The following ITSN2 variants were observed in gnomAD, a reference collection of about 807,000 sequenced individuals.
The protein encoded by ITSN2 is intersectin 2.
Under a neutral mutation model 243.7 loss-of-function variants are expected in ITSN2, and 156 were observed. The observed-to-expected ratio is 0.64, with a 90% CI of 0.56 to 0.73. ITSN2 has a LOEUF of 0.73. ITSN2 is among the 30% of genes least tolerant of loss of function. The probability of loss-of-function intolerance (pLI) is 0.00; values close to 1 mark genes in which losing one functional copy is unlikely to be tolerated. For synonymous variants in ITSN2, 703 were observed against 699.9 expected (o/e 1.00, Z -0.07); for missense variants, 1,801 against 1,996.1 (o/e 0.90, Z 1.86).
chr2:24,239,616 A>G (rs1672515505), intron 29 of ITSN2: 1 of 152,104 alleles, frequency 6.6e-6, no homozygotes, highest in Non-Finnish European at 1.5e-5. Context: ...CTCCTACAGA[A>G]ATTCAAATTT....
intron 29 of ITSN2, among the ~76,000 whole-genome samples, chr2:24,237,016 C>T (rs1672239821): frequency 6.6e-6 from 1 of 151,844 alleles, no homozygotes. Context: ...GTATGAGTAA[C>T]AGTTGTAGTG....
intron 1 of ITSN2, among the ~76,000 whole-genome samples, chr2:24,331,947 T>C (rs898511404): frequency 6.6e-6 from 1 of 151,898 alleles, no homozygotes; most frequent in Non-Finnish European, 1.5e-5. Context: ...AAGAAGGGAG[T>C]TTGAAAGTTG....
intron 8 of ITSN2, among the ~76,000 whole-genome samples, chr2:24,304,855 C>G (rs1682281522): frequency 6.6e-6 from 1 of 152,068 alleles, no homozygotes; most frequent in Non-Finnish European, 1.5e-5. Flanking sequence ...TACAAAGGGC[C>G]ATAGAGAGCC....
Position 24,284,744 on chromosome 2 carries a change from C to T in ITSN2, c.1944+19G>A. ...AGCAAAGTAACTCAAAGAAAAGAAG[C>T]TAGATATTAGAAAATAACCTTAAGT... is the stretch of plus-strand genomic sequence containing the variant. On this transcript the variant is annotated intron_variant, in intron 17 of 39. Coordinates refer to ENST00000355123, the MANE Select transcript of ITSN2 (RefSeq NM_006277.3). The T allele has an allele frequency of 7.0e-7, 1 of 1,430,760 alleles. No homozygotes were observed. The highest frequency in any genetic ancestry group is 9.8e-7 in the Non-Finnish European group (1 of 1,018,562). 88.6% of individuals were successfully genotyped at this position (1,430,760 alleles called of 1,614,324 possible). A position where few individuals can be genotyped will look rare whatever the true frequency, so the allele number is the denominator to read the frequency against.
intron 17 of ITSN2, among the ~76,000 whole-genome samples, chr2:24,277,765 A>G (rs1164579853): frequency 1.3e-5 from 2 of 152,218 alleles, no homozygotes; most frequent in South Asian, 2.1e-4. Flanking sequence ...CCTGGGCCAC[A>G]TGGAAAGAGG....
chr2:24,281,377 AT>A (rs1678756406), intron 17 of ITSN2, among the ~76,000 whole-genome samples: 1 of 152,088 alleles, frequency 6.6e-6, no homozygotes, highest in African/African-American at 2.4e-5. Context: ...GACTCCCATC[AT>A]TCTCTTTCTT....
intron 1 of ITSN2, among the ~76,000 whole-genome samples, chr2:24,343,007 C>A (rs1001581960): frequency 6.6e-6 from 1 of 150,676 alleles, no homozygotes; most frequent in African/African-American, 2.4e-5. Flanking sequence ...GGGAGGACTG[C>A]TTGAGTCTGT....
At chr2:24,266,099 C>T (rs1676629302) in intron 20 of ITSN2, among the ~76,000 whole-genome samples, 3 of 152,168 alleles carry the variant, frequency 2.0e-5, no homozygotes, top group Non-Finnish European at 4.4e-5. Context: ...AGGCATAATC[C>T]TTCAAGGCCT....
Position 24,270,754 on chromosome 2 carries a change from C to T in ITSN2, c.2272G>A (p.Val758Ile). Residue 758 changes from valine to isoleucine, a missense_variant, in exon 20 of 40, where the codon GTT (valine) becomes ATT (isoleucine). Physicochemically the swap from Val to Ile is conservative, Grantham distance 29. Coordinates refer to ENST00000355123, the MANE Select transcript of ITSN2 (RefSeq NM_006277.3). ...TATAATGCTCTATAATTCACCAAAA[C>T]ACTAGCTGTCTCACCTAAAGAGAAG... Reference protein sequence around the residue: ...AEEKKRETASVLVNYRALYPF... With the variant: ...AEEKKRETASILVNYRALYPF... 6.3e-7 allele frequency: 1 copy of T among 1,577,302 alleles called. No homozygotes were observed. The highest frequency in any genetic ancestry group is 8.7e-7 in the Non-Finnish European group (1 of 1,149,748).
chr2:24,261,342 G>T, intron 21 of ITSN2, 92 bp from the exon 22 acceptor site: 1 of 975,494 alleles, frequency 1.0e-6, no homozygotes, highest in Non-Finnish European at 1.5e-6. Flanking sequence ...TATATACACT[G>T]TGCTTACACA....
At chr2:24,337,319 T>TATATATATAC (rs1553395909) in intron 1 of ITSN2, among the ~76,000 whole-genome samples, 4 of 66,952 alleles carry the variant, frequency 6.0e-5, no homozygotes, top group African/African-American at 2.2e-4. Context: ...ACACAAAATA[T>TATATATATAC]ATATATATAT....
At chr2:24,206,347 G>T (rs1393989784) in intron 37 of ITSN2, 1 of 371,632 alleles carries the variant, frequency 2.7e-6, no homozygotes, top group Non-Finnish European at 5.4e-6. Flanking sequence ...AGGCAGGAGG[G>T]CAGGCTGCAT....
At chr2:24,339,955 G>C (rs1686862595) in intron 1 of ITSN2, among the ~76,000 whole-genome samples, 1 of 152,118 alleles carries the variant, frequency 6.6e-6, no homozygotes, top group South Asian at 2.1e-4. Context: ...AGGATCATTT[G>C]AGCCCGGGAG....
intron 1 of ITSN2, among the ~76,000 whole-genome samples, chr2:24,331,068 CTT>C (rs1182993261): frequency 2.8e-4 from 31 of 111,706 alleles, no homozygotes; most frequent in East Asian, 2.6e-4. Flanking sequence ...CACCCGGCCA[CTT>C]TTTTTTTTTT....
chr2:24,203,849 C>CAAG (rs1558415794), intron 39 of ITSN2, 66 bp from the exon 40 acceptor site: 2 of 1,486,088 alleles, frequency 1.3e-6, no homozygotes, highest in Non-Finnish European at 1.8e-6. Context: ...GAGCTACATC[C>CAAG]GGAAGAAGTG....
Position 24,295,837 on chromosome 2 carries a change from T to G in ITSN2, c.1495-33A>C, listed in dbSNP as rs891364020. 4 of 1,397,158 alleles carry G rather than the reference T, an allele frequency of 2.9e-6. No individual in the cohort carries two copies. In the East Asian group the frequency reaches 8.2e-5, roughly 29 times the overall value. The allele number at this position is 1,397,158 out of a possible 1,614,324, so 86.5% of individuals were successfully genotyped here. Reference sequence around the variant, plus strand: ...AAGATCATATAAATATATAGTAACATAAAATGCTAATAGAAAATGTTTCTA... The same window carrying G: ...AAGATCATATAAATATATAGTAACAGAAAATGCTAATAGAAAATGTTTCTA... On this transcript the variant is annotated intron_variant, in intron 13 of 39. Transcript: ENST00000355123.
chr2:24,348,960 C>A (rs1484269743), intron 1 of ITSN2, among the ~76,000 whole-genome samples: 1 of 152,030 alleles, frequency 6.6e-6, no homozygotes, highest in Non-Finnish European at 1.5e-5. Context: ...TCCAAGAAAG[C>A]AAACATAAAA....
At position 24,210,953 on chromosome 2, in the gene ITSN2, A is replaced by G. The variant is rs1215013117; in HGVS notation, c.4090-6T>C. 1.2e-6 allele frequency: 2 copies of G among 1,613,970 alleles called. No individual in the cohort carries two copies. Among genetic ancestry groups the G allele is most frequent in the Middle Eastern group, 1.7e-4 (1 of 6,048 alleles). ...TCCGGGGTGTTCTCCAGAATCTGGAAAAGAGTGGGCAGTGTCACATGGGGG... is the reference window on the plus strand; with the variant it reads ...TCCGGGGTGTTCTCCAGAATCTGGAGAAGAGTGGGCAGTGTCACATGGGGG... On this transcript the variant is annotated splice_region_variant and splice_polypyrimidine_tract_variant and intron_variant, in intron 33 of 39. Transcript: ENST00000355123.
At chr2:24,226,991 C>T (rs948936255) in intron 29 of ITSN2, among the ~76,000 whole-genome samples, 8 of 152,120 alleles carry the variant, frequency 5.3e-5, no homozygotes, top group Admixed American at 4.6e-4. Context: ...TGGCGTCTGC[C>T]TGTAGTCCCA....
Sources: allele counts gnomAD v4.1 joint callset (sites outside exome capture counted in the v4.1 genomes callset), GRCh38; gene constraint gnomAD v4.1.1; transcripts MANE v1.5; gene names NCBI Gene and HGNC (gene_info 2026-07-23, HGNC 2026-07-21).